Variants in STARD13 observed in about 807,000 individuals in gnomAD.
The protein encoded by STARD13 is StAR related lipid transfer domain containing 13, also known as stAR-related lipid transfer protein 13.
STARD13 carries 62 observed loss-of-function variants against 106.4 expected under a neutral mutation model. That is an observed-to-expected ratio of 0.58 (90% CI 0.48 to 0.72). STARD13 has a LOEUF of 0.72. Ranked by LOEUF, STARD13 falls within the 30% of genes least tolerant of loss-of-function variation. The probability of loss-of-function intolerance (pLI) is 0.00; values close to 1 mark genes in which losing one functional copy is unlikely to be tolerated. For synonymous variants in STARD13, 565 were observed against 553.0 expected (o/e 1.02, Z -0.31); for missense variants, 1,387 against 1,424.0 (o/e 0.97, Z 0.42).
At chr13:33,591,481 A>C in the STARD13 span, among the ~76,000 whole-genome samples, 1 of 152,242 alleles carries the variant, frequency 6.6e-6, no homozygotes, top group Non-Finnish European at 1.5e-5. Flanking sequence ...GATTATGCAC[A>C]AGAAAGTTTT....
intron 1 of STARD13, among the ~76,000 whole-genome samples, chr13:33,299,042 A>T (rs1892611709): frequency 6.6e-6 from 1 of 152,208 alleles, no homozygotes; most frequent in African/African-American, 2.4e-5. Flanking sequence ...CGTTTACCGT[A>T]CTTTTTCTAT....
chr13:33,633,786 G>A, the STARD13 span, among the ~76,000 whole-genome samples: 25 of 152,146 alleles, frequency 1.6e-4, no homozygotes, highest in African/African-American at 5.8e-4. Context: ...AGAAGGTGAC[G>A]TGACTCTGCA....
the STARD13 span, among the ~76,000 whole-genome samples, chr13:33,488,578 G>T: frequency 3.3e-5 from 5 of 151,948 alleles, no homozygotes; most frequent in African/African-American, 7.3e-5. Context: ...ATATTACTAG[G>T]CAATGATCTT....
chr13:33,510,905 G>T, the STARD13 span, among the ~76,000 whole-genome samples: 4 of 152,118 alleles, frequency 2.6e-5, no homozygotes, highest in African/African-American at 9.7e-5. Context: ...AATTGAAATT[G>T]AGTTCACAAG....
chr13:33,646,615 C>T, the STARD13 span, among the ~76,000 whole-genome samples: 2 of 151,752 alleles, frequency 1.3e-5, no homozygotes, highest in African/African-American at 2.4e-5. Context: ...TTTGCTTTGC[C>T]ATAGGGATGA....
At chr13:33,281,446 A>G (rs1891779412) in intron 1 of STARD13, 1 of 146,370 alleles carries the variant, frequency 6.8e-6, no homozygotes, top group Non-Finnish European at 1.5e-5. Flanking sequence ...GTGTGTATGT[A>G]GACTTTAAAC....
At chr13:33,428,431 G>A in the STARD13 span, among the ~76,000 whole-genome samples, 4 of 151,924 alleles carry the variant, frequency 2.6e-5, no homozygotes, top group African/African-American at 4.8e-5. Flanking sequence ...CCGAAAAGAC[G>A]TTAATATTAA....
At chr13:33,333,508 A>C (rs2077860650) in intron 1 of STARD13, among the ~76,000 whole-genome samples, 2 of 152,192 alleles carry the variant, frequency 1.3e-5, no homozygotes, top group Admixed American at 1.3e-4. Context: ...TTCCAATTGC[A>C]CCTTAGAAGG....
chr13:33,464,037 A>ATATATATATATATG, the STARD13 span, among the ~76,000 whole-genome samples: 1 of 140,982 alleles, frequency 7.1e-6, no homozygotes, highest in Non-Finnish European at 1.5e-5. Flanking sequence ...ATATATATAT[A>ATATATATATATATG]TATATGTATA....
At chr13:33,141,883 T>C (rs975471633) in intron 4 of STARD13, among the ~76,000 whole-genome samples, 26 of 152,062 alleles carry the variant, frequency 1.7e-4, no homozygotes, top group Non-Finnish European at 4.4e-5. Flanking sequence ...GCAAACCCTC[T>C]AATAAAAAAA....
the STARD13 span, among the ~76,000 whole-genome samples, chr13:33,568,222 G>A: frequency 6.8e-6 from 1 of 147,540 alleles, no homozygotes; most frequent in Non-Finnish European, 1.5e-5. Context: ...TCTTGCTTTG[G>A]TAGTTACAGT....
chr13:33,242,106 C>T (rs1189016843), intron 1 of STARD13, among the ~76,000 whole-genome samples: 1 of 151,442 alleles, frequency 6.6e-6, no homozygotes, highest in African/African-American at 2.4e-5. Flanking sequence ...AGTGTCTCTG[C>T]CCCGCCGCCA....
At chr13:33,213,783 T>C (rs1187580196) in intron 1 of STARD13, among the ~76,000 whole-genome samples, 1 of 152,226 alleles carries the variant, frequency 6.6e-6, no homozygotes, top group African/African-American at 2.4e-5. Context: ...TCTACTAACC[T>C]TTTACCTGTA....
intron 1 of STARD13, among the ~76,000 whole-genome samples, chr13:33,282,874 TA>T (rs532670754): frequency 4.5e-4 from 68 of 151,896 alleles, no homozygotes; most frequent in African/African-American, 1.6e-3. Context: ...AAAAAAGTTT[TA>T]AAAATTAGCC....
At chr13:33,326,439 C>A (rs1034762828) in intron 1 of STARD13, among the ~76,000 whole-genome samples, 1 of 152,036 alleles carries the variant, frequency 6.6e-6, no homozygotes, top group Non-Finnish European at 1.5e-5. Flanking sequence ...AACACAATAC[C>A]CTATGTACTA....
chr13:33,568,365 G>T, the STARD13 span, among the ~76,000 whole-genome samples: 1 of 147,748 alleles, frequency 6.8e-6, no homozygotes, highest in East Asian at 2.0e-4. Context: ...GCCTACTTGG[G>T]TCAAATGACT....
intron 10 of STARD13, among the ~76,000 whole-genome samples, chr13:33,111,371 ACTT>A (rs1180238197): frequency 1.3e-5 from 2 of 152,152 alleles, no homozygotes; most frequent in East Asian, 3.9e-4. Flanking sequence ...TGGTTCACTT[ACTT>A]CTTTTACATA....
chr13:33,195,926 G>A (rs968544206), intron 1 of STARD13, among the ~76,000 whole-genome samples: 5 of 152,174 alleles, frequency 3.3e-5, no homozygotes, highest in Admixed American at 1.3e-4. Flanking sequence ...GTGGTTGGCA[G>A]ATGGGACACA....
At chr13:33,170,545 A>AT (rs923667615) in intron 1 of STARD13, among the ~76,000 whole-genome samples, 12 of 152,170 alleles carry the variant, frequency 7.9e-5, no homozygotes, top group Admixed American at 3.3e-4. Flanking sequence ...AAATAAGATG[A>AT]TTTTTTTTGT....
Sources: gnomAD v4.1 joint callset for allele counts (sites outside exome capture counted in the v4.1 genomes callset) on GRCh38, gnomAD v4.1.1 for gene constraint, MANE v1.5 for transcripts, NCBI Gene and HGNC (gene_info 2026-07-23, HGNC 2026-07-21) for gene names.